GSDME: variants seen among roughly 807,000 people sequenced by gnomAD.
GSDME encodes the protein gasdermin-E.
Under a neutral mutation model 47.5 loss-of-function variants are expected in GSDME, and 44 were observed. The observed-to-expected ratio is 0.93, with a 90% CI of 0.73 to 1.19. The LOEUF is 1.19. Among genes scored for constraint, GSDME ranks in the 50% most tolerant of loss-of-function variants. The probability of loss-of-function intolerance (pLI) is 0.00; values close to 1 mark genes in which losing one functional copy is unlikely to be tolerated. For missense variants in GSDME, 663 were observed against 604.2 expected (o/e 1.10, Z -1.02); for synonymous variants, 258 against 252.8 (o/e 1.02, Z -0.20).
rs1356158250 is a variant in GSDME at position 24,724,433 on chromosome 7, T to C, written c.405-5215A>G. 1.3e-5 allele frequency among the ~76,000 whole-genome samples: 2 copies of C among 152,178 alleles called. No homozygotes were observed. Among genetic ancestry groups the C allele is most frequent in the African/African-American group, 2.4e-5 (1 of 41,444 alleles). ...GGAGAAAATGAACAAGCAGAGGTTC[T>C]TCATCCGCTTCACACATCTAAGGGC... is the stretch of plus-strand genomic sequence containing the variant. On this transcript the variant is annotated intron_variant, in intron 3 of 9. Coordinates refer to ENST00000645220, the MANE Select transcript of GSDME (RefSeq NM_001127453.2). This position sits in a 1 kb window ranked among gnomAD's most constrained non-coding sequence, Gnocchi z 4.8.
Position 24,748,137 on chromosome 7 carries a change from A to T in GSDME, c.211+1427T>A, listed in dbSNP as rs994413793. On this transcript the variant is annotated intron_variant, in intron 2 of 9. Coordinates refer to ENST00000645220, the MANE Select transcript of GSDME (RefSeq NM_001127453.2). ...AAAAAATAAGGAGTGTATAAAAATTATATAGAGTATATATATATATATATA... is the reference window on the plus strand; with the variant it reads ...AAAAAATAAGGAGTGTATAAAAATTTTATAGAGTATATATATATATATATA... 1.4e-4 allele frequency among the ~76,000 whole-genome samples: 20 copies of T among 142,852 alleles called. No homozygotes were observed. The East Asian group carries it at 2.4e-3, about 17-fold the overall frequency. 93.7% of individuals were successfully genotyped at this position (142,852 alleles called of 152,430 possible). A position where few individuals can be genotyped will look rare whatever the true frequency, so the allele number is the denominator to read the frequency against.
chr7:24,760,483 C>G (rs1791150654), upstream of GSDME, among the ~76,000 whole-genome samples: 1 of 152,162 alleles, frequency 6.6e-6, no homozygotes, highest in South Asian at 2.1e-4. This position sits in a 1 kb window ranked among gnomAD's most constrained non-coding sequence, Gnocchi z 4.2. Flanking sequence ...TGTATAACTT[C>G]CCATTTAAAA....
the GSDME span, among the ~76,000 whole-genome samples, chr7:24,795,438 T>TA: frequency 2.0e-5 from 3 of 152,106 alleles, no homozygotes; most frequent in Admixed American, 1.3e-4. Flanking sequence ...TCGGCAGACT[T>TA]ACAAAACCGA....
chr7:24,791,344 T>C, the GSDME span, among the ~76,000 whole-genome samples: 1 of 152,228 alleles, frequency 6.6e-6, no homozygotes, highest in African/African-American at 2.4e-5. This position sits in a 1 kb window ranked among gnomAD's most constrained non-coding sequence, Gnocchi z 4.8. Flanking sequence ...CTCTCCACGT[T>C]TGGGCATCTT....
rs2521764 is a variant in GSDME at position 24,732,495 on chromosome 7, T to A, written c.404+12067A>T. Among the ~76,000 whole-genome samples, 12,279 of 152,264 alleles carry A rather than the reference T, an allele frequency of 0.081. 576 individuals carry two copies. Among genetic ancestry groups the A allele is most frequent in the African/African-American group, 0.13 (5,480 of 41,542 alleles). On this transcript the variant is annotated intron_variant, in intron 3 of 9. Transcript: ENST00000645220. The surrounding 1 kb of genome is among the most constrained non-coding windows in gnomAD (Gnocchi z 4.8). ...AAATCAGGTGAGCAATCACAGTACCTGGTTTTGACTTCATTTTGCTGAAAG... is the reference window on the plus strand; with the variant it reads ...AAATCAGGTGAGCAATCACAGTACCAGGTTTTGACTTCATTTTGCTGAAAG...
rs1040167526 is a variant in GSDME at position 24,735,916 on chromosome 7, T to C, written c.404+8646A>G. Among the ~76,000 whole-genome samples the C allele has an allele frequency of 6.6e-6, 1 of 152,158 alleles. No homozygotes were observed. The highest frequency in any genetic ancestry group is 2.4e-5 in the African/African-American group (1 of 41,452). On this transcript the variant is annotated intron_variant, in intron 3 of 9. Coordinates refer to ENST00000645220, the MANE Select transcript of GSDME (RefSeq NM_001127453.2). The surrounding 1 kb of genome is among the most constrained non-coding windows in gnomAD (Gnocchi z 4.4). Reference sequence around the variant, plus strand: ...AGGCGTGGAGTTTGTATTCATTTTCTTTTTATTTGTTTATGCTAGCAGTGT... The same window carrying C: ...AGGCGTGGAGTTTGTATTCATTTTCCTTTTATTTGTTTATGCTAGCAGTGT...
At chr7:24,722,680 G>A (rs1789833767) in intron 3 of GSDME, among the ~76,000 whole-genome samples, 1 of 152,198 alleles carries the variant, frequency 6.6e-6, no homozygotes, top group African/African-American at 2.4e-5. Context: ...ACTGGACACT[G>A]CTCCTAGCCA....
At chr7:24,780,596 G>C in the GSDME span, among the ~76,000 whole-genome samples, 103,681 of 152,052 alleles carry the variant, frequency 0.68, 37,541 homozygotes, top group East Asian at 1. This position sits in a 1 kb window ranked among gnomAD's most constrained non-coding sequence, Gnocchi z 4.1. Context: ...CCCATTCAGA[G>C]CAACTTGAAT....
intron 6 of GSDME, among the ~76,000 whole-genome samples, 168 bp downstream of exon 6, chr7:24,710,056 C>T (rs908648357): frequency 1.3e-5 from 2 of 152,118 alleles, no homozygotes; most frequent in Non-Finnish European, 2.9e-5. Context: ...AAGATCCAAC[C>T]GAGGTGAGTC....
chr7:24,740,961 CCGGGACCG>C (rs1790469995), intron 3 of GSDME, among the ~76,000 whole-genome samples: 1 of 152,140 alleles, frequency 6.6e-6, no homozygotes. Flanking sequence ...TGGAAAACAG[CCGGGACCG>C]CGGCCCAGAA....
chr7:24,756,139 G>A lies in GSDME; in HGVS notation c.-20+1257C>T, dbSNP rs1266509166. Among the ~76,000 whole-genome samples the A allele has an allele frequency of 5.3e-5, 8 of 152,334 alleles. No individual in the cohort carries two copies. The highest frequency in any genetic ancestry group is 5.2e-4 in the Admixed American group (8 of 15,304). On this transcript the variant is annotated intron_variant, in intron 1 of 9. Coordinates refer to ENST00000645220, the MANE Select transcript of GSDME (RefSeq NM_001127453.2). The surrounding 1 kb of genome is among the most constrained non-coding windows in gnomAD (Gnocchi z 4.2). ...ATGGTCATAAGACAGGCAGGAGCTC[G>A]AAAGGAGAAGGAGAGTGAGGCGCCA...
chr7:24,783,762 T>C, the GSDME span, among the ~76,000 whole-genome samples: 1 of 151,830 alleles, frequency 6.6e-6, no homozygotes, highest in Non-Finnish European at 1.5e-5. Context: ...CAGGACTTAG[T>C]CCCCATGAAC....
At chr7:24,759,641 C>T (rs1791134733), upstream of GSDME, among the ~76,000 whole-genome samples, 1 of 152,178 alleles carries the variant, frequency 6.6e-6, no homozygotes, top group African/African-American at 2.4e-5. Context: ...AAGATTTTAA[C>T]CCAGGTTGTT....
intron 6 of GSDME, among the ~76,000 whole-genome samples, chr7:24,709,418 T>A (rs979721277): frequency 1.3e-5 from 2 of 152,206 alleles, no homozygotes; most frequent in East Asian, 1.9e-4. Context: ...GAAAGCCTTA[T>A]ATTAAAATTG....
chr7:24,717,515 C>T (rs1789613491), intron 4 of GSDME, 141 bp from the exon 5 acceptor site: 1 of 1,351,842 alleles, frequency 7.4e-7, no homozygotes, highest in Non-Finnish European at 1.0e-6. Context: ...AGGAGCCAGC[C>T]AGCATGGGGG....
At chr7:24,751,321 G>C (rs1209081847) in intron 1 of GSDME, among the ~76,000 whole-genome samples, 1 of 152,060 alleles carries the variant, frequency 6.6e-6, no homozygotes, top group Non-Finnish European at 1.5e-5. Flanking sequence ...ACTATCCATG[G>C]TCAAAATGAA....
chr7:24,703,168 G>T (rs752112026), intron 8 of GSDME: 1 of 358,304 alleles, frequency 2.8e-6, no homozygotes, highest in Non-Finnish European at 5.5e-6. Flanking sequence ...ACAGAAGAGT[G>T]ATGTTTGAGA....
the GSDME span, among the ~76,000 whole-genome samples, chr7:24,773,635 C>T: frequency 1.8e-3 from 272 of 152,310 alleles, 1 homozygote; most frequent in Non-Finnish European, 3.1e-3. This position sits in a 1 kb window ranked among gnomAD's most constrained non-coding sequence, Gnocchi z 5.4. Context: ...GTATAGCTCC[C>T]TCTCTCCCCC....
At chr7:24,784,626 CTTTTT>C in the GSDME span, among the ~76,000 whole-genome samples, 1 of 124,292 alleles carries the variant, frequency 8.0e-6, no homozygotes, top group East Asian at 2.4e-4. Flanking sequence ...TTTCTTCTTC[CTTTTT>C]TTTTTTTTTT....
Sources: allele counts gnomAD v4.1 joint callset (sites outside exome capture counted in the v4.1 genomes callset), GRCh38; gene constraint gnomAD v4.1.1; non-coding constraint Gnocchi (gnomAD v3.1); transcripts MANE v1.5; gene names NCBI Gene and HGNC (gene_info 2026-07-23, HGNC 2026-07-21).